Variants in CFAP144 observed in about 807,000 individuals in gnomAD.
CFAP144 encodes the protein cilia- and flagella-associated protein 144.
At chr1:43,147,490 A>G in the CFAP144 span, among the ~76,000 whole-genome samples, 3 of 152,124 alleles carry the variant, frequency 2.0e-5, no homozygotes, top group African/African-American at 7.2e-5. Flanking sequence ...GTTTTCTCAG[A>G]GAGGAAACCT....
the CFAP144 span, among the ~76,000 whole-genome samples, chr1:43,152,530 C>T: frequency 6.6e-6 from 1 of 152,202 alleles, no homozygotes; most frequent in Non-Finnish European, 1.5e-5. Context: ...ATTTTGTAAA[C>T]CTGAATACTG....
chr1:43,146,244 T>C, the CFAP144 span, among the ~76,000 whole-genome samples: 1 of 152,234 alleles, frequency 6.6e-6, no homozygotes, highest in Non-Finnish European at 1.5e-5. Flanking sequence ...ATGTAAAATA[T>C]CTCAATAATT....
the CFAP144 span, among the ~76,000 whole-genome samples, chr1:43,149,051 A>T: frequency 1.3e-5 from 2 of 152,070 alleles, no homozygotes; most frequent in African/African-American, 2.4e-5. Flanking sequence ...GATTGGTCTG[A>T]TGGGCTCCCA....
chr1:43,156,046 A>T, the CFAP144 span, among the ~76,000 whole-genome samples: 4 of 152,126 alleles, frequency 2.6e-5, no homozygotes, highest in African/African-American at 9.7e-5. Flanking sequence ...TTCTCCTCTG[A>T]CCTCACAACC....
At chr1:43,150,677 G>A in the CFAP144 span, 41 of 1,206,118 alleles carry the variant, frequency 3.4e-5, no homozygotes, top group African/African-American at 5.9e-4. Context: ...TGCCAAATGG[G>A]TGCCCTGTTT....
At chr1:43,150,818 A>G in the CFAP144 span, 5 of 1,608,644 alleles carry the variant, frequency 3.1e-6, no homozygotes, top group Non-Finnish European at 4.2e-6. Context: ...GAACCTGCAG[A>G]TGGTAAGTCC....
At chr1:43,142,970 T>G in the CFAP144 span, among the ~76,000 whole-genome samples, 1 of 152,130 alleles carries the variant, frequency 6.6e-6, no homozygotes, top group Admixed American at 6.5e-5. Context: ...TTTTTTTAAC[T>G]TTTAGGCTCT....
the CFAP144 span, chr1:43,152,879 A>T: frequency 6.2e-7 from 1 of 1,613,564 alleles, no homozygotes; most frequent in Non-Finnish European, 8.5e-7. Context: ...AGGAAGAAGT[A>T]CCCAGAGACA....
the CFAP144 span, chr1:43,145,104 A>C: frequency 7.6e-6 from 5 of 656,146 alleles, no homozygotes; most frequent in Non-Finnish European, 1.4e-5. Context: ...TTCAGATGCC[A>C]GAGATTTCCT....
the CFAP144 span, among the ~76,000 whole-genome samples, chr1:43,154,076 A>G: frequency 9.7e-4 from 117 of 121,108 alleles, 2 homozygotes; most frequent in African/African-American, 4.2e-3. Context: ...ATATATATAT[A>G]TATATATATA....
At chr1:43,152,805 A>T in the CFAP144 span, 1 of 1,590,910 alleles carries the variant, frequency 6.3e-7, no homozygotes, top group African/African-American at 1.3e-5. Flanking sequence ...TGACTCCTTC[A>T]TAACTCATAC....
At chr1:43,147,948 G>A in the CFAP144 span, 33 of 1,613,746 alleles carry the variant, frequency 2.0e-5, no homozygotes, top group Admixed American at 3.3e-5. Flanking sequence ...GGCAGCCCAA[G>A]GCCATGGCGG....
At chr1:43,147,390 T>TAAAC in the CFAP144 span, among the ~76,000 whole-genome samples, 71,177 of 151,736 alleles carry the variant, frequency 0.47, 18,259 homozygotes, top group African/African-American at 0.69. Context: ...ACATTAAAAA[T>TAAAC]AAACTATAAA....
At chr1:43,147,780 G>A in the CFAP144 span, 4 of 1,461,044 alleles carry the variant, frequency 2.7e-6, no homozygotes, top group Non-Finnish European at 3.6e-6. Flanking sequence ...GCGGGGCGGG[G>A]CGATGCAGGC....
the CFAP144 span, among the ~76,000 whole-genome samples, chr1:43,152,213 G>T: frequency 6.6e-6 from 1 of 152,162 alleles, no homozygotes; most frequent in African/African-American, 2.4e-5. Flanking sequence ...GAACTATGGA[G>T]CTGCAAATCC....
At chr1:43,147,609 A>G in the CFAP144 span, among the ~76,000 whole-genome samples, 96 of 152,298 alleles carry the variant, frequency 6.3e-4, no homozygotes, top group Middle Eastern at 3.4e-3. Flanking sequence ...GTGAGGTCCA[A>G]TCATCTGTCC....
At chr1:43,153,113 G>A in the CFAP144 span, 1 of 662,722 alleles carries the variant, frequency 1.5e-6, no homozygotes, top group Non-Finnish European at 2.5e-6. Flanking sequence ...AGCTAATACA[G>A]TACCTATCTC....
At chr1:43,146,267 CGTT>C in the CFAP144 span, among the ~76,000 whole-genome samples, 112 of 152,222 alleles carry the variant, frequency 7.4e-4, 1 homozygote, top group African/African-American at 2.5e-3. Flanking sequence ...TATATTCAAA[CGTT>C]GAATCATTGA....
the CFAP144 span, among the ~76,000 whole-genome samples, chr1:43,154,062 G>GTGTA: frequency 5.9e-3 from 494 of 83,606 alleles, 3 homozygotes; most frequent in Non-Finnish European, 7.3e-3. Context: ...ATATGTGTGT[G>GTGTA]TATATATATA....
Sources: gnomAD v4.1 joint callset for allele counts (sites outside exome capture counted in the v4.1 genomes callset) on GRCh38, gnomAD v4.1.1 for gene constraint, MANE v1.5 for transcripts, NCBI Gene and HGNC (gene_info 2026-07-23, HGNC 2026-07-21) for gene names.